Variants in DHX15 observed in about 807,000 individuals in gnomAD.
The protein encoded by DHX15 is ATP-dependent RNA helicase DHX15.
A neutral mutation model predicts 94.4 loss-of-function variants in DHX15; 11 were observed. The observed-to-expected ratio is 0.12, with a 90% CI of 0.07 to 0.19. DHX15 has a LOEUF of 0.19. Among genes scored for constraint, DHX15 ranks in the 10% least tolerant of loss-of-function variants. DHX15 has a pLI of 1.00. For synonymous variants in DHX15, 338 were observed against 329.9 expected, an observed-to-expected ratio of 1.02 and a Z score of -0.27; for missense variants, 304 against 988.5, an observed-to-expected ratio of 0.31 and a Z score of 9.29.
At chr4:24,552,441 C>CTGTT (rs1721628847) in intron 5 of DHX15, among the ~76,000 whole-genome samples, 4 of 152,102 alleles carry the variant, frequency 2.6e-5, no homozygotes, top group Non-Finnish European at 4.4e-5. Context: ...GTTCTCTCTC[C>CTGTT]CTCCCAAATT....
In DHX15 at chr4:24,529,732, C is replaced by A; in HGVS notation, c.2139G>T (p.Val713=). The change falls in exon 13 of 14, where the codon GTG becomes GTT. Residue 713 remains valine (V), a synonymous_variant. Coordinates refer to ENST00000336812, the MANE Select transcript of DHX15 (RefSeq NM_001358.3). ...HLERTGHYLT[V]KDNQVVQLHP... Reference sequence around the variant, plus strand: ...GCAACTGAACCACCTGGTTATCTTTCACAGTTAAGTAATGCCCTGTTCGTT... The same window carrying A: ...GCAACTGAACCACCTGGTTATCTTTAACAGTTAAGTAATGCCCTGTTCGTT... 7 of 1,614,200 alleles carry A rather than the reference C, an allele frequency of 4.3e-6. No individual in the cohort carries two copies. The highest frequency in any genetic ancestry group is 5.9e-6 in the Non-Finnish European group (7 of 1,180,042).
intron 11 of DHX15, among the ~76,000 whole-genome samples, chr4:24,535,712 C>A (rs1288932002): frequency 6.6e-6 from 1 of 152,154 alleles, no homozygotes; most frequent in Non-Finnish European, 1.5e-5. Flanking sequence ...AGATGTAAAT[C>A]AAGTTAGGTA....
chr4:24,556,130 C>T (rs1721733613), intron 4 of DHX15, 121 bp downstream of exon 4: 3 of 712,638 alleles, frequency 4.2e-6, no homozygotes, highest in Non-Finnish European at 4.4e-6. Flanking sequence ...CAAGAAGGTA[C>T]TTACTAGTTC....
At chr4:24,553,947 G>A (rs565254853) in intron 5 of DHX15, among the ~76,000 whole-genome samples, 28 of 151,826 alleles carry the variant, frequency 1.8e-4, no homozygotes, top group African/African-American at 5.8e-4. Context: ...GGCCGGGTGC[G>A]ATGGCTCACG....
chr4:24,583,176 C>G (rs1313777897), intron 1 of DHX15, among the ~76,000 whole-genome samples: 2 of 152,194 alleles, frequency 1.3e-5, no homozygotes, highest in African/African-American at 4.8e-5. Context: ...TATTTGGCTA[C>G]TCGGGCTTTT....
chr4:24,542,125 G>T (rs1467842883), intron 7 of DHX15, 103 bp from the exon 8 acceptor site: 51 of 962,342 alleles, frequency 5.3e-5, no homozygotes, highest in Admixed American at 1.1e-4. Context: ...AATAAATAAA[G>T]AAATATCGAT....
intron 6 of DHX15, among the ~76,000 whole-genome samples, chr4:24,543,821 C>T (rs1721368148): frequency 6.6e-6 from 1 of 151,860 alleles, no homozygotes; most frequent in African/African-American, 2.4e-5. Flanking sequence ...AGTATTTTAA[C>T]TCAGGACATG....
chr4:24,543,982 T>G (rs1368816719), intron 6 of DHX15, among the ~76,000 whole-genome samples: 1 of 152,144 alleles, frequency 6.6e-6, no homozygotes, highest in Non-Finnish European at 1.5e-5. Context: ...AAAGACACAC[T>G]GTGAAATTTA....
Position 24,548,968 on chromosome 4 carries a change from C to T in DHX15, c.1135G>A (p.Glu379Lys). The change falls in exon 6 of 14, where the codon GAA (glutamate) becomes AAA (lysine). Residue 379 changes from glutamate to lysine, a missense_variant. Coordinates refer to ENST00000336812, the MANE Select transcript of DHX15 (RefSeq NM_001358.3). The part of the protein sequence containing the change: ...IKREVDDLGP[E>K]VGDIKIIPLY... Reference sequence around the variant, plus strand: ...GGAATGATTTTAATGTCACCAACTTCAGGGCCCAAATCATCAACTTCACGC... The same window carrying T: ...GGAATGATTTTAATGTCACCAACTTTAGGGCCCAAATCATCAACTTCACGC... 1 of 1,613,968 alleles carries T rather than the reference C, an allele frequency of 6.2e-7. No individual in the cohort carries two copies. Among genetic ancestry groups the T allele is most frequent in the Non-Finnish European group, 8.5e-7 (1 of 1,179,876 alleles).
intron 2 of DHX15, among the ~76,000 whole-genome samples, chr4:24,572,456 A>G (rs1180945925): frequency 6.6e-6 from 1 of 152,096 alleles, no homozygotes; most frequent in East Asian, 1.9e-4. Context: ...AGATTTTTTA[A>G]TTCACTCCGC....
chr4:24,536,133 G>T (rs1455020245), intron 11 of DHX15, among the ~76,000 whole-genome samples: 1 of 151,972 alleles, frequency 6.6e-6, no homozygotes, highest in African/African-American at 2.4e-5. Context: ...TAACTTCATT[G>T]TTATTATGTT....
At chr4:24,547,933 A>ATATATC (rs1721479659) in intron 6 of DHX15, among the ~76,000 whole-genome samples, 1 of 33,636 alleles carries the variant, frequency 3.0e-5, no homozygotes, top group African/African-American at 1.1e-4. Flanking sequence ...ATATATATAT[A>ATATATC]TATATATATC....
chr4:24,555,701 T>C (rs1039580434), intron 4 of DHX15, among the ~76,000 whole-genome samples: 3 of 152,156 alleles, frequency 2.0e-5, no homozygotes, highest in South Asian at 2.1e-4. Flanking sequence ...GGGAACATCA[T>C]AGACTTTGGG....
chr4:24,577,411 C>T (rs1013963289), intron 1 of DHX15, among the ~76,000 whole-genome samples: 1 of 152,142 alleles, frequency 6.6e-6, no homozygotes, highest in Non-Finnish European at 1.5e-5. Context: ...ATTAAAAAAA[C>T]TGAAATTAAA....
At chr4:24,545,209 G>C (rs941727660) in intron 6 of DHX15, among the ~76,000 whole-genome samples, 2 of 152,102 alleles carry the variant, frequency 1.3e-5, no homozygotes, top group Admixed American at 6.6e-5. Context: ...AAATATTTAT[G>C]AAGAAAATCA....
At chr4:24,536,297 A>C (rs11729408) in intron 11 of DHX15, among the ~76,000 whole-genome samples, 35,202 of 151,948 alleles carry the variant, frequency 0.23, 5,144 homozygotes, top group Non-Finnish European at 0.33. Flanking sequence ...TTTTTTTACC[A>C]CCATAAATAA....
At chr4:24,544,221 TA>T (rs899236652) in intron 6 of DHX15, among the ~76,000 whole-genome samples, 1 of 152,208 alleles carries the variant, frequency 6.6e-6, no homozygotes, top group African/African-American at 2.4e-5. Context: ...CTTAATTTTA[TA>T]AATCAAATAG....
intron 6 of DHX15, among the ~76,000 whole-genome samples, chr4:24,543,747 G>A (rs1721366100): frequency 6.6e-6 from 1 of 152,086 alleles, no homozygotes; most frequent in Non-Finnish European, 1.5e-5. Flanking sequence ...ATTAGTTAAG[G>A]ACTTGGGAAA....
intron 11 of DHX15, among the ~76,000 whole-genome samples, chr4:24,535,196 C>CA (rs1721168596): frequency 6.6e-6 from 1 of 152,290 alleles, no homozygotes; most frequent in South Asian, 2.1e-4. Flanking sequence ...CTCTTGTTTA[C>CA]AGGCCACTTG....
Sources: allele counts gnomAD v4.1 joint callset (sites outside exome capture counted in the v4.1 genomes callset), GRCh38; gene constraint gnomAD v4.1.1; transcripts MANE v1.5; gene names NCBI Gene and HGNC (gene_info 2026-07-23, HGNC 2026-07-21).